The following SLC6A17 variants were observed in gnomAD, a reference collection of about 807,000 sequenced individuals.
The protein encoded by SLC6A17 is sodium-dependent neutral amino acid transporter SLC6A17.
SLC6A17 carries 21 observed loss-of-function variants against 64.5 expected under a neutral mutation model. That is an observed-to-expected ratio of 0.33 (90% CI 0.23 to 0.47). SLC6A17 has a LOEUF of 0.47. Ranked by LOEUF, SLC6A17 falls within the 20% of genes least tolerant of loss-of-function variation. The pLI is 1.00. For missense variants in SLC6A17, 682 were observed against 963.2 expected, an observed-to-expected ratio of 0.71 and a Z score of 3.86; for synonymous variants, 372 against 399.5, an observed-to-expected ratio of 0.93 and a Z score of 0.82.
intron 2 of SLC6A17, among the ~76,000 whole-genome samples, chr1:110,171,514 G>A (rs1025089447): frequency 2.0e-5 from 3 of 152,182 alleles, no homozygotes; most frequent in Non-Finnish European, 2.9e-5. Flanking sequence ...TAGTGGCAAA[G>A]CTGGTCAGAC....
intron 6 of SLC6A17, among the ~76,000 whole-genome samples, chr1:110,188,494 G>A (rs1321621156): frequency 6.6e-6 from 1 of 152,112 alleles, no homozygotes; most frequent in East Asian, 1.9e-4. Context: ...TTTGCCTCCT[G>A]CTTTACAGGG....
Position 110,166,966 on chromosome 1 carries a change from A to G in SLC6A17, c.37A>G (p.Ser13Gly), listed in dbSNP as rs1230483624. 6.2e-7 allele frequency: 1 copy of G among 1,613,848 alleles called. No homozygotes were observed. ...CAGCAAAGTGACCCAGCGTGAGCAC[A>G]GCAGTGAGCATGTCACTGAGTCCGT... ...KNSKVTQREH[S>G]SEHVTESVAD... Residue 13 changes from serine to glycine, a missense_variant, in exon 2 of 12, where the codon AGC (serine) becomes GGC (glycine). Coordinates refer to ENST00000331565, the MANE Select transcript of SLC6A17 (RefSeq NM_001010898.4).
rs142242142 is a variant in SLC6A17 at position 110,167,011 on chromosome 1, G to A, written c.82G>A (p.Glu28Lys). The A allele has an allele frequency of 4.3e-6, 7 of 1,613,202 alleles. No individual in the cohort carries two copies. Among genetic ancestry groups the A allele is most frequent in the Admixed American group, 1.7e-5 (1 of 59,920 alleles). ...TESVADLLAL[E>K]EPVDYKQSVL... The stretch of plus-strand genomic sequence containing the variant: ...GTCCGTGGCCGACCTGCTGGCCCTC[G>A]AGGAGCCTGTGGACTATAAGCAGAG... The change falls in exon 2 of 12, where the codon GAG becomes AAG. Residue 28 changes from glutamate (E) to lysine (K), a missense_variant. By Grantham distance (56) the Glu-to-Lys change is moderately conservative (BLOSUM62 1). This residue lies in a region of SLC6A17 where 415 missense variants were observed against 603.8 expected (regional missense o/e 0.69). Coordinates refer to ENST00000331565, the MANE Select transcript of SLC6A17 (RefSeq NM_001010898.4).
chr1:110,177,607 A>T (rs1475738896), intron 6 of SLC6A17: 1 of 152,292 alleles, frequency 6.6e-6, no homozygotes, highest in Admixed American at 6.5e-5. Flanking sequence ...TCAGGCTGAG[A>T]GTCCATCTCT....
intron 2 of SLC6A17, among the ~76,000 whole-genome samples, chr1:110,170,383 C>T (rs1484233024): frequency 6.6e-6 from 1 of 152,204 alleles, no homozygotes; most frequent in Non-Finnish European, 1.5e-5. Flanking sequence ...ACTCGAGAGG[C>T]TGAGGCAGGA....
At chr1:110,151,428 A>C (rs1416278352) in intron 1 of SLC6A17, among the ~76,000 whole-genome samples, 2 of 152,210 alleles carry the variant, frequency 1.3e-5, no homozygotes, top group Non-Finnish European at 2.9e-5. Context: ...TCCTCGCTGG[A>C]TTCGGAGCTA....
intron 9 of SLC6A17, 60 bp from the exon 10 acceptor site, chr1:110,195,526 C>A: frequency 1.3e-6 from 2 of 1,596,962 alleles, no homozygotes; most frequent in South Asian, 1.1e-5. Flanking sequence ...CCCCCGAGAC[C>A]CCCAGGGCCC....
At chr1:110,184,914 G>A (rs1288213473) in intron 6 of SLC6A17, among the ~76,000 whole-genome samples, 1 of 152,200 alleles carries the variant, frequency 6.6e-6, no homozygotes, top group Non-Finnish European at 1.5e-5. Flanking sequence ...ACAGGATACA[G>A]GGATGAGGAA....
At chr1:110,197,632 T>C (rs1385788507) in intron 11 of SLC6A17, 33 bp downstream of exon 11, 2 of 1,556,948 alleles carry the variant, frequency 1.3e-6, no homozygotes, top group Non-Finnish European at 1.7e-6. Flanking sequence ...CCAGGGACAT[T>C]TGCATCTTCT....
Position 110,172,084 on chromosome 1 carries a change from T to C in SLC6A17, c.311T>C (p.Val104Ala). 6.2e-7 allele frequency: 1 copy of C among 1,614,152 alleles called. No homozygotes were observed. The highest frequency in any genetic ancestry group is 8.5e-7 in the Non-Finnish European group (1 of 1,180,014). The change falls in exon 3 of 12, where the codon GTG (valine) becomes GCG (alanine). Residue 104 changes from valine (V) to alanine (A), a missense_variant. This residue lies in a region of SLC6A17 where 415 missense variants were observed against 603.8 expected (regional missense o/e 0.69). Coordinates refer to ENST00000331565, the MANE Select transcript of SLC6A17 (RefSeq NM_001010898.4). The stretch of plus-strand genomic sequence containing the variant: ...GGTGCTTACCTGGTGCCCTACCTGG[T>C]GCTGCTGATCATCATCGGGATCCCC... ...GGGAYLVPYL[V>A]LLIIIGIPLF...
intron 1 of SLC6A17, among the ~76,000 whole-genome samples, chr1:110,153,858 A>G (rs1201287838): frequency 2.6e-5 from 4 of 152,048 alleles, no homozygotes; most frequent in Non-Finnish European, 4.4e-5. Context: ...AGAAGTCCTC[A>G]CAGCCAAACA....
chr1:110,166,912 A>G lies in SLC6A17; in HGVS notation c.-18A>G, dbSNP rs1557831857. 22 of 1,590,796 alleles carry G rather than the reference A, an allele frequency of 1.4e-5. No individual in the cohort carries two copies. The highest frequency in any genetic ancestry group is 1.7e-5 in the Non-Finnish European group (20 of 1,164,982). On this transcript the variant is annotated 5_prime_UTR_variant, in exon 2 of 12. Coordinates refer to ENST00000331565, the MANE Select transcript of SLC6A17 (RefSeq NM_001010898.4). ...TCTGTGTGCTGGGGAGCAGGGCTAC[A>G]CGGCCCAGGTGGCATCAATGCCGAA...
chr1:110,194,135 T>C (rs960116766), intron 8 of SLC6A17, among the ~76,000 whole-genome samples: 1 of 152,182 alleles, frequency 6.6e-6, no homozygotes, highest in African/African-American at 2.4e-5. Context: ...TCGGTGTTTC[T>C]AAAGGCTCCG....
intron 1 of SLC6A17, among the ~76,000 whole-genome samples, chr1:110,155,909 A>G (rs1414302897): frequency 6.6e-6 from 1 of 152,194 alleles, no homozygotes; most frequent in Non-Finnish European, 1.5e-5. Context: ...GAGCAGAAGC[A>G]ATGTTTGCTA....
chr1:110,182,633 C>G (rs189843659), intron 6 of SLC6A17, among the ~76,000 whole-genome samples: 18 of 138,798 alleles, frequency 1.3e-4, no homozygotes, highest in African/African-American at 4.4e-4. Context: ...GAGAGAGAGA[C>G]AGGCAGGCCG....
chr1:110,164,485 G>T (rs957317083), intron 1 of SLC6A17, among the ~76,000 whole-genome samples: 1 of 152,188 alleles, frequency 6.6e-6, no homozygotes, highest in Non-Finnish European at 1.5e-5. Flanking sequence ...TGTCACCTGG[G>T]CATATTCACT....
chr1:110,184,174 G>C (rs542096100), intron 6 of SLC6A17, among the ~76,000 whole-genome samples: 6 of 152,160 alleles, frequency 3.9e-5, no homozygotes, highest in African/African-American at 9.6e-5. Context: ...GCAGTGGCGT[G>C]ATCTTGGCTC....
At chr1:110,166,699 T>G in intron 1 of SLC6A17, 144 bp from the exon 2 acceptor site, 1 of 435,180 alleles carries the variant, frequency 2.3e-6, no homozygotes. Flanking sequence ...CAGCCCCTGA[T>G]GGGGAGCTAG....
chr1:110,172,281 C>T (rs780744495), intron 3 of SLC6A17, 64 bp downstream of exon 3: 23 of 1,506,786 alleles, frequency 1.5e-5, no homozygotes, highest in African/African-American at 9.7e-5. Flanking sequence ...GCATTGGAGA[C>T]GAGGTCACCG....
Sources: gnomAD v4.1 joint callset for allele counts (sites outside exome capture counted in the v4.1 genomes callset) on GRCh38, gnomAD v4.1.1 for gene constraint, gnomAD v4.1.1 regional missense constraint, MANE v1.5 for transcripts, NCBI Gene and HGNC (gene_info 2026-07-23, HGNC 2026-07-21) for gene names.